Variants in TMEM74 observed in about 807,000 individuals in gnomAD.
The protein encoded by TMEM74 is transmembrane protein 74.
Under a neutral mutation model 18.1 loss-of-function variants are expected in TMEM74, and 13 were observed. The ratio of observed to expected loss-of-function variants is 0.72; its 90% CI spans 0.47 to 1.14. TMEM74 has a LOEUF of 1.14. Ranked by LOEUF, TMEM74 falls within the 50% of genes most tolerant of loss-of-function variation. The probability of loss-of-function intolerance (pLI) is 0.00; values close to 1 mark genes in which losing one functional copy is unlikely to be tolerated. For synonymous variants in TMEM74, 159 were observed against 146.6 expected (o/e 1.08, Z -0.61); for missense variants, 372 against 375.9 (o/e 0.99, Z 0.09).
intron 1 of TMEM74, among the ~76,000 whole-genome samples, chr8:108,674,664 C>G (rs543174587): frequency 1.3e-5 from 2 of 152,272 alleles, no homozygotes; most frequent in South Asian, 2.1e-4. Context: ...GAGAAGTTGA[C>G]AGATTAACAT....
chr8:108,704,650 G>C (rs767018182), intron 1 of TMEM74, among the ~76,000 whole-genome samples: 2 of 152,308 alleles, frequency 1.3e-5, no homozygotes, highest in Non-Finnish European at 2.9e-5. Context: ...CAAAGTCTCT[G>C]TTCCCTAGGA....
chr8:108,634,488 C>T (rs756102387), intron 2 of TMEM74, among the ~76,000 whole-genome samples: 19 of 151,944 alleles, frequency 1.3e-4, no homozygotes, highest in Admixed American at 5.3e-4. Flanking sequence ...GTCCTGTGGG[C>T]CTGTTGTAAC....
chr8:108,767,473 A>G (rs1034718438), intron 1 of TMEM74, among the ~76,000 whole-genome samples: 5 of 152,174 alleles, frequency 3.3e-5, no homozygotes, highest in Non-Finnish European at 7.4e-5. Flanking sequence ...TCAATATAGG[A>G]AGGATCCATT....
intron 1 of TMEM74, among the ~76,000 whole-genome samples, chr8:108,746,742 G>A (rs2130649821): frequency 6.6e-6 from 1 of 152,006 alleles, no homozygotes; most frequent in East Asian, 1.9e-4. Flanking sequence ...GAGAGGGTCT[G>A]GAGGTTGAGA....
intron 1 of TMEM74, among the ~76,000 whole-genome samples, chr8:108,715,114 T>C (rs1813510307): frequency 6.6e-6 from 1 of 152,222 alleles, no homozygotes; most frequent in Admixed American, 6.5e-5. Context: ...CTATATTACC[T>C]GCTTTTTAAT....
intron 2 of TMEM74, among the ~76,000 whole-genome samples, chr8:108,642,170 G>A (rs1306895012): frequency 1.3e-4 from 20 of 152,088 alleles, no homozygotes; most frequent in Admixed American, 2.0e-4. Flanking sequence ...AGGCTGACGC[G>A]GGTGGATTGC....
chr8:108,651,046 T>C (rs977614522), intron 2 of TMEM74, among the ~76,000 whole-genome samples: 5 of 152,146 alleles, frequency 3.3e-5, no homozygotes, highest in African/African-American at 1.2e-4. Flanking sequence ...TTAAAATTGC[T>C]TGATACTCTA....
chr8:108,727,723 C>T (rs1302957906), intron 1 of TMEM74, among the ~76,000 whole-genome samples: 1 of 152,078 alleles, frequency 6.6e-6, no homozygotes, highest in Non-Finnish European at 1.5e-5. Flanking sequence ...TATTGAAAGA[C>T]ATGAAAATTG....
intron 2 of TMEM74, among the ~76,000 whole-genome samples, chr8:108,637,482 G>A (rs2012356): frequency 0.43 from 65,891 of 151,770 alleles, 15,655 homozygotes; most frequent in East Asian, 0.71. Flanking sequence ...AGTGGGCCCA[G>A]TATAATCATA....
chr8:108,787,321 C>G (rs1444776998), intron 1 of TMEM74, among the ~76,000 whole-genome samples, 155 bp downstream of exon 1: 1 of 152,208 alleles, frequency 6.6e-6, no homozygotes, highest in Non-Finnish European at 1.5e-5. Flanking sequence ...CTGGTGAACT[C>G]TGCGCCCACT....
rs191462316 is a variant in TMEM74 at position 108,716,665 on chromosome 8, G to T, written n.120-61228C>A. Among the ~76,000 whole-genome samples, 660 of 151,696 alleles carry T rather than the reference G, an allele frequency of 4.4e-3. 6 individuals carry two copies. The highest frequency in any genetic ancestry group is 0.012 in the African/African-American group (480 of 41,440). On this transcript the variant is annotated intron_variant and non_coding_transcript_variant, in intron 1 of 3. Transcript: ENST00000518838. ...GAAGTTTAGAAAAATTAGGTAAAAAGCATGCAGGAGAAAATCATCAAAGAG... is the reference window on the plus strand; with the variant it reads ...GAAGTTTAGAAAAATTAGGTAAAAATCATGCAGGAGAAAATCATCAAAGAG...
chr8:108,679,214 G>A (rs1054383327), intron 1 of TMEM74, among the ~76,000 whole-genome samples: 1 of 152,114 alleles, frequency 6.6e-6, no homozygotes, highest in Admixed American at 6.5e-5. Flanking sequence ...ACCTACATGT[G>A]CATCTGTCTT....
At chr8:108,679,488 C>T (rs1211278712) in intron 1 of TMEM74, among the ~76,000 whole-genome samples, 1 of 152,172 alleles carries the variant, frequency 6.6e-6, no homozygotes, top group Non-Finnish European at 1.5e-5. Flanking sequence ...TTGCATTTCC[C>T]TGATGGCCAG....
intron 2 of TMEM74, among the ~76,000 whole-genome samples, chr8:108,645,001 G>T (rs986240861): frequency 6.6e-6 from 1 of 152,082 alleles, no homozygotes; most frequent in Non-Finnish European, 1.5e-5. Context: ...TGATTATTGG[G>T]TATATATCCA....
chr8:108,681,085 T>C (rs1415824460), intron 1 of TMEM74, among the ~76,000 whole-genome samples: 2 of 152,124 alleles, frequency 1.3e-5, no homozygotes, highest in East Asian at 1.9e-4. Flanking sequence ...AAAATGGCCA[T>C]ACTGCCCAAG....
rs149370972 is a variant in TMEM74, at chr8:108,653,683, A to G, written n.264+1610T>C. On this transcript the variant is annotated intron_variant and non_coding_transcript_variant, in intron 2 of 3. Transcript: ENST00000518838. ...GTTGTATAAAAATTAAATAATTATC[A>G]TTATATAAGAAAAAAGCAAAGCACA... is the stretch of plus-strand genomic sequence containing the variant. Among the ~76,000 whole-genome samples, 587 of 152,204 alleles carry G rather than the reference A, an allele frequency of 3.9e-3. 4 individuals carry two copies. The highest frequency in any genetic ancestry group is 0.013 in the African/African-American group (559 of 41,526).
At chr8:108,657,842 C>CAA (rs1157229913) in intron 1 of TMEM74, among the ~76,000 whole-genome samples, 29 of 16,678 alleles carry the variant, frequency 1.7e-3, no homozygotes, top group South Asian at 3.6e-3. Flanking sequence ...GACACCGTCT[C>CAA]AAAAAAAAAA....
chr8:108,652,867 C>G (rs576469302), intron 2 of TMEM74: 2 of 515,054 alleles, frequency 3.9e-6, no homozygotes, highest in Admixed American at 4.5e-5. Context: ...ATCTAATAGG[C>G]CATTTTGGAT....
intron 1 of TMEM74, among the ~76,000 whole-genome samples, chr8:108,689,019 G>T (rs559453696): frequency 6.6e-6 from 1 of 152,298 alleles, no homozygotes; most frequent in Non-Finnish European, 1.5e-5. Context: ...ACAGCATTAA[G>T]CTACTAAAGC....
Sources: allele counts gnomAD v4.1 joint callset (sites outside exome capture counted in the v4.1 genomes callset), GRCh38; gene constraint gnomAD v4.1.1; transcripts MANE v1.5; gene names NCBI Gene and HGNC (gene_info 2026-07-23, HGNC 2026-07-21).